The following CBLB variants were observed in gnomAD, a reference collection of about 807,000 sequenced individuals.
The protein encoded by CBLB is E3 ubiquitin-protein ligase CBL-B.
Under a neutral mutation model 104.9 loss-of-function variants are expected in CBLB, and 31 were observed. The ratio of observed to expected loss-of-function variants is 0.30; its 90% CI spans 0.22 to 0.40. CBLB has a LOEUF of 0.40. CBLB is among the 10% of genes least tolerant of loss of function. The pLI is 1.00. For missense variants in CBLB, 1,062 were observed against 1,214.6 expected, an observed-to-expected ratio of 0.87 and a Z score of 1.87; for synonymous variants, 440 against 422.6, an observed-to-expected ratio of 1.04 and a Z score of -0.51.
chr3:105,849,327 A>G lies in CBLB; in HGVS notation c.419+4087T>C, dbSNP rs1867193. Among the ~76,000 whole-genome samples the G allele has an allele frequency of 7.6e-3, 1,156 of 152,254 alleles. 62 individuals are homozygous for G. The highest frequency in any genetic ancestry group is 0.069 in the Admixed American group (1,057 of 15,276). On this transcript the variant is annotated intron_variant, in intron 3 of 18. Transcript: ENST00000394030. ...ACAGAACATTGTCAGTAAACAGAAC[A>G]AGGATAACAGTAATATCCAATTAAG... is the stretch of plus-strand genomic sequence containing the variant.
At chr3:105,665,076 T>A (rs1470406733) in intron 18 of CBLB, among the ~76,000 whole-genome samples, 1 of 152,164 alleles carries the variant, frequency 6.6e-6, no homozygotes, top group Admixed American at 6.5e-5. Context: ...AACTTTGTTA[T>A]GTCTTTCTTT....
At position 105,841,545 on chromosome 3, in the gene CBLB, C is replaced by T. The variant is rs193170519; in HGVS notation, c.419+11869G>A. ...TCGGCTCACTGCAAGCTCCGCCTCCCGGATTCACGCCATTCTCCTGCCTCA... is the reference window on the plus strand; with the variant it reads ...TCGGCTCACTGCAAGCTCCGCCTCCTGGATTCACGCCATTCTCCTGCCTCA... On this transcript the variant is annotated intron_variant, in intron 3 of 18. Transcript: ENST00000394030. Among the ~76,000 whole-genome samples the T allele has an allele frequency of 2.4e-3, 365 of 151,028 alleles. 2 individuals carry two copies. Among genetic ancestry groups the T allele is most frequent in the African/African-American group, 8.5e-3 (349 of 41,184 alleles).
At position 105,684,653 on chromosome 3, in the gene CBLB, A is replaced by G. The variant is rs896016616; in HGVS notation, c.2201+667T>C. 3.3e-5 allele frequency among the ~76,000 whole-genome samples: 5 copies of G among 152,090 alleles called. No homozygotes were observed. In the East Asian group the frequency reaches 9.7e-4, roughly 30 times the overall value. On this transcript the variant is annotated intron_variant, in intron 14 of 18. Transcript: ENST00000394030. ...CTGCAACCTCCGCCTCCCGGGTTCAAGCGATTCTCCTGCCTCAGCCTCCTG... is the reference window on the plus strand; with the variant it reads ...CTGCAACCTCCGCCTCCCGGGTTCAGGCGATTCTCCTGCCTCAGCCTCCTG...
rs999590570 is a variant in CBLB at position 105,699,231 on chromosome 3, GAAGAT to G, written c.1959+2858_1959+2862del. 1.5e-3 allele frequency among the ~76,000 whole-genome samples: 232 copies of G among 152,250 alleles called. 2 individuals carry two copies. The highest frequency in any genetic ancestry group is 2.9e-4 in the Non-Finnish European group (20 of 67,980). ...AAAGAAAAAAGGAGTGAAACAAAGA[GAAGAT>G]GTTTCGGTTTAAAAAACAGACAACT... On this transcript the variant is annotated intron_variant, in intron 12 of 18. Transcript: ENST00000394030.
At chr3:105,739,812 A>G (rs1311670162) in intron 7 of CBLB, among the ~76,000 whole-genome samples, 1 of 152,152 alleles carries the variant, frequency 6.6e-6, no homozygotes, top group Non-Finnish European at 1.5e-5. Flanking sequence ...CAAAATAAAA[A>G]AAGTGAAACT....
intron 18 of CBLB, among the ~76,000 whole-genome samples, chr3:105,659,447 TG>T (rs2063570701): frequency 6.6e-6 from 1 of 152,210 alleles, no homozygotes; most frequent in African/African-American, 2.4e-5. Context: ...GTAGTTCCAC[TG>T]AGAAATTTAC....
At chr3:105,822,687 T>A (rs975620622) in intron 3 of CBLB, among the ~76,000 whole-genome samples, 1 of 152,192 alleles carries the variant, frequency 6.6e-6, no homozygotes, top group Non-Finnish European at 1.5e-5. Context: ...AACAACTCTA[T>A]CCATTTTGTT....
chr3:105,848,402 G>A (rs1359822302), intron 3 of CBLB, among the ~76,000 whole-genome samples: 1 of 151,876 alleles, frequency 6.6e-6, no homozygotes, highest in Non-Finnish European at 1.5e-5. Flanking sequence ...CTTCTACACA[G>A]GACCTAAGTA....
rs542047410 is a variant in CBLB, at chr3:105,761,455, T to C, written c.567-9837A>G. On this transcript the variant is annotated intron_variant, in intron 4 of 18. Coordinates refer to ENST00000394030, the MANE Select transcript of CBLB (RefSeq NM_170662.5). ...GACCAGGTGGGAGATAACTGAATCA[T>C]GGGGGCAGTTTCCGACATTCTATTC... 3.9e-5 allele frequency among the ~76,000 whole-genome samples: 6 copies of C among 152,308 alleles called. No homozygotes were observed. In the South Asian group the frequency reaches 1.2e-3, roughly 32 times the overall value.
chr3:105,681,365 T>C lies in CBLB; in HGVS notation c.2428+114A>G, dbSNP rs772075547. 6.6e-4 allele frequency: 721 copies of C among 1,089,624 alleles called. 2 individuals carry two copies. Among genetic ancestry groups the C allele is most frequent in the Middle Eastern group, 4.0e-3 (17 of 4,218 alleles). 67.5% of individuals were successfully genotyped at this position (1,089,624 alleles called of 1,614,324 possible). Reference sequence around the variant, plus strand: ...GGCACCTGGAGAACCCATTCAAATTTCAGGCAAATTCACAACCCAGTGAGT... The same window carrying C: ...GGCACCTGGAGAACCCATTCAAATTCCAGGCAAATTCACAACCCAGTGAGT... On this transcript the variant is annotated intron_variant, in intron 16 of 18. Transcript: ENST00000394030.
At chr3:105,665,404 A>ATATATATATAT in intron 18 of CBLB, among the ~76,000 whole-genome samples, 1 of 62,486 alleles carries the variant, frequency 1.6e-5, no homozygotes, top group African/African-American at 6.0e-5. Context: ...TAAATAAATA[A>ATATATATATAT]ATAAATAAAT....
At chr3:105,675,358 A>C (rs1054345929) in intron 17 of CBLB, among the ~76,000 whole-genome samples, 4 of 152,172 alleles carry the variant, frequency 2.6e-5, no homozygotes, top group African/African-American at 4.8e-5. Flanking sequence ...GCATATTCTT[A>C]ATAAAGTCAA....
Position 105,702,256 on chromosome 3 carries a change from A to G in CBLB, c.1797T>C (p.Phe599=), listed in dbSNP as rs138611949. 202 of 1,614,048 alleles carry G rather than the reference A, an allele frequency of 1.3e-4. No individual in the cohort carries two copies. The African/African-American group carries it at 2.0e-3, about 16-fold the overall frequency. ...PLEAWCPRDV[F]GTNQLVGCRL... ...GACATCCCACAAGCTGATTAGTCCCAAACACATCCCGAGGGCACCATGCTT... is the reference window on the plus strand; with the variant it reads ...GACATCCCACAAGCTGATTAGTCCCGAACACATCCCGAGGGCACCATGCTT... The change falls in exon 12 of 19, where the codon TTT becomes TTC. Residue 599 remains phenylalanine (F), a synonymous_variant. Transcript: ENST00000394030.
chr3:105,666,082 T>C (rs2064421575), intron 18 of CBLB, among the ~76,000 whole-genome samples: 1 of 152,046 alleles, frequency 6.6e-6, no homozygotes, highest in African/African-American at 2.4e-5. Flanking sequence ...ATCAGGACTA[T>C]AGTAAATGCT....
chr3:105,738,954 G>C (rs1490754864), intron 7 of CBLB, among the ~76,000 whole-genome samples: 2 of 152,186 alleles, frequency 1.3e-5, no homozygotes, highest in African/African-American at 2.4e-5. Flanking sequence ...CTGATGCACA[G>C]GCTGGAGTGC....
intron 4 of CBLB, among the ~76,000 whole-genome samples, chr3:105,761,182 G>A (rs187194625): frequency 1.4e-3 from 216 of 152,180 alleles, no homozygotes; most frequent in Admixed American, 3.2e-3. Flanking sequence ...TAAAGTGTGC[G>A]CCACCATGCC....
intron 3 of CBLB, among the ~76,000 whole-genome samples, chr3:105,777,218 T>C (rs2079584463): frequency 6.6e-6 from 1 of 152,268 alleles, no homozygotes; most frequent in South Asian, 2.1e-4. Flanking sequence ...GTTTTTGTTA[T>C]ACATGCTTGC....
At chr3:105,666,024 CAA>C (rs34981931) in intron 18 of CBLB, among the ~76,000 whole-genome samples, 16 of 130,194 alleles carry the variant, frequency 1.2e-4, no homozygotes, top group South Asian at 2.5e-4. Flanking sequence ...AGACTCGTCT[CAA>C]AAAAAAAAAA....
intron 18 of CBLB, among the ~76,000 whole-genome samples, chr3:105,663,294 T>G (rs1380627250): frequency 6.6e-6 from 1 of 152,160 alleles, no homozygotes; most frequent in African/African-American, 2.4e-5. Context: ...AGAAACTGTT[T>G]TAAGGAAAGG....
Sources: gnomAD v4.1 joint callset for allele counts (sites outside exome capture counted in the v4.1 genomes callset) on GRCh38, gnomAD v4.1.1 for gene constraint, MANE v1.5 for transcripts, NCBI Gene and HGNC (gene_info 2026-07-23, HGNC 2026-07-21) for gene names.